Variants in RGL3 observed in about 807,000 individuals in gnomAD.
The protein encoded by RGL3 is ral guanine nucleotide dissociation stimulator like 3, also known as ral guanine nucleotide dissociation stimulator-like 3.
Under a neutral mutation model 90.6 loss-of-function variants are expected in RGL3, and 85 were observed. The ratio of observed to expected loss-of-function variants is 0.94; its 90% confidence interval spans 0.79 to 1.12. The LOEUF is 1.12. Ranked by LOEUF, RGL3 falls within the 50% of genes most tolerant of loss-of-function variation. The pLI, the probability that RGL3 is intolerant of heterozygous loss-of-function variation, is 0.00. For synonymous variants in RGL3, 408 were observed against 385.5 expected, an observed-to-expected ratio of 1.06 and a Z score of -0.68; for missense variants, 1,034 against 939.2, an observed-to-expected ratio of 1.10 and a Z score of -1.32.
intron 5 of RGL3, among the ~76,000 whole-genome samples, chr19:11,415,134 A>G (rs1485471947): frequency 6.6e-6 from 1 of 151,924 alleles, no homozygotes. Context: ...TGTCTAAAAA[A>G]AAAAATAGAT....
Position 11,397,358 on chromosome 19 carries a change from G to A in RGL3, c.1900C>T (p.Leu634=), listed in dbSNP as rs1418266271. ...CTGGGGGCTTTGTCCTGACTGGTCA[G>A]CTGGAAGAGAGGGGCGGGAGGTGAG... ...DHGNLYRSIL[L]TSQDKAPSVV... Residue 634 remains leucine, a splice_region_variant and synonymous_variant, in exon 18 of 19, where the codon CTG becomes TTG. Coordinates refer to ENST00000380456, the MANE Select transcript of RGL3 (RefSeq NM_001035223.4). The A allele has an allele frequency of 6.3e-7, 1 of 1,599,302 alleles. No homozygotes were observed. The highest frequency in any genetic ancestry group is 2.2e-5 in the East Asian group (1 of 44,758).
In RGL3 at chr19:11,397,269, G is replaced by C; in HGVS notation, c.1989C>G (p.Leu663=). ...VPQPWACDYQ[L]FQVLPGDRVL... is the part of the protein sequence containing the mutation. Reference sequence around the variant, plus strand: ...CCCGGTCCCCAGGAAGGACTTGAAAGAGCTGATAGTCACAGGCCCAGGGCT... The same window carrying C: ...CCCGGTCCCCAGGAAGGACTTGAAACAGCTGATAGTCACAGGCCCAGGGCT... The change falls in exon 18 of 19, where the codon CTC becomes CTG. Residue 663 remains leucine (L), a synonymous_variant. Coordinates refer to ENST00000380456, the MANE Select transcript of RGL3 (RefSeq NM_001035223.4). 1.2e-6 allele frequency: 2 copies of C among 1,613,998 alleles called. No homozygotes were observed. Among genetic ancestry groups the C allele is most frequent in the Non-Finnish European group, 8.5e-7 (1 of 1,179,988 alleles).
At chr19:11,414,173 ATATACACC>A (rs1968925899) in intron 5 of RGL3, among the ~76,000 whole-genome samples, 4 of 96,606 alleles carry the variant, frequency 4.1e-5, no homozygotes, top group Admixed American at 3.6e-4. Flanking sequence ...ATATATATAT[ATATACACC>A]TATATATATA....
intron 5 of RGL3, among the ~76,000 whole-genome samples, chr19:11,409,520 C>G (rs1210021350): frequency 1.3e-5 from 2 of 152,014 alleles, no homozygotes; most frequent in African/African-American, 2.4e-5. Flanking sequence ...CAAACAAAAA[C>G]AAAAAGAAAA....
chr19:11,404,993 G>A (rs1017328155), intron 9 of RGL3, among the ~76,000 whole-genome samples, 154 bp downstream of exon 9: 2 of 152,102 alleles, frequency 1.3e-5, no homozygotes, highest in African/African-American at 2.4e-5. Context: ...AAAGAAAAAC[G>A]TGCAACCCGC....
chr19:11,405,561 A>G (rs1430069812), intron 7 of RGL3, 135 bp from the exon 8 acceptor site: 3 of 689,232 alleles, frequency 4.4e-6, no homozygotes, highest in Admixed American at 3.9e-5. Flanking sequence ...TCTGTGGCCC[A>G]GGCTGGAGTG....
intron 18 of RGL3, among the ~76,000 whole-genome samples, chr19:11,396,173 T>A (rs1327157566): frequency 1.9e-4 from 19 of 98,982 alleles, no homozygotes; most frequent in African/African-American, 7.0e-4. Flanking sequence ...TTTTTTTTTT[T>A]TTTTTTTTTT....
At chr19:11,398,493 G>A (rs1410645174) in intron 16 of RGL3, among the ~76,000 whole-genome samples, 1 of 151,926 alleles carries the variant, frequency 6.6e-6, no homozygotes, top group Non-Finnish European at 1.5e-5. Context: ...TTACAGGCCT[G>A]TGCCACTATG....
chr19:11,414,639 TG>T (rs1166061635), intron 5 of RGL3, among the ~76,000 whole-genome samples: 1 of 149,038 alleles, frequency 6.7e-6, no homozygotes, highest in African/African-American at 2.5e-5. Context: ...GATTAAGCGA[TG>T]GGGATTAGGG....
At chr19:11,415,323 C>G (rs1968974074) in intron 5 of RGL3, among the ~76,000 whole-genome samples, 1 of 151,782 alleles carries the variant, frequency 6.6e-6, no homozygotes, top group African/African-American at 2.4e-5. Flanking sequence ...ACACTGCACT[C>G]CAGCCTGAGC....
At chr19:11,396,128 C>CTGTATA (rs1174694619) in intron 18 of RGL3, among the ~76,000 whole-genome samples, 1 of 54,920 alleles carries the variant, frequency 1.8e-5, no homozygotes, top group Admixed American at 1.9e-4. Flanking sequence ...CTCTCTCTCT[C>CTGTATA]TCTCTCTCTA....
At chr19:11,401,930 G>C in intron 13 of RGL3, 81 bp downstream of exon 13, 1 of 1,486,748 alleles carries the variant, frequency 6.7e-7, no homozygotes, top group Non-Finnish European at 8.9e-7. Flanking sequence ...AGGAGCTGGA[G>C]GTGTGTATGG....
At chr19:11,414,166 T>TACAC (rs1555720101) in intron 5 of RGL3, among the ~76,000 whole-genome samples, 6 of 112,532 alleles carry the variant, frequency 5.3e-5, no homozygotes, top group South Asian at 2.7e-4. Flanking sequence ...TATATATATA[T>TACAC]ATATATATAT....
intron 5 of RGL3, chr19:11,408,848 C>G (rs548002622): frequency 1.2e-4 from 18 of 152,296 alleles, no homozygotes; most frequent in African/African-American, 3.9e-4. Context: ...TACTCTTTCC[C>G]CCCTTCTCAC....
chr19:11,409,211 T>C (rs965626885), intron 5 of RGL3, among the ~76,000 whole-genome samples: 6 of 149,596 alleles, frequency 4.0e-5, no homozygotes, highest in Non-Finnish European at 3.0e-5. Flanking sequence ...CCGGGGGCAG[T>C]GGCTCACGCC....
At chr19:11,395,862 C>T (rs1201772540) in intron 18 of RGL3, among the ~76,000 whole-genome samples, 1 of 150,518 alleles carries the variant, frequency 6.6e-6, no homozygotes, top group Non-Finnish European at 1.5e-5. Flanking sequence ...CTCTTGACTT[C>T]GTGATCCACC....
chr19:11,415,770 G>A (rs1395171726), intron 5 of RGL3, among the ~76,000 whole-genome samples, 167 bp downstream of exon 5: 2 of 151,780 alleles, frequency 1.3e-5, no homozygotes, highest in East Asian at 1.9e-4. Context: ...CACCACGCCC[G>A]GCTGACAAAG....
chr19:11,406,355 C>T, intron 7 of RGL3, 64 bp downstream of exon 7: 1 of 1,433,050 alleles, frequency 7.0e-7, no homozygotes, highest in Non-Finnish European at 9.4e-7. Context: ...CTCTCCGGAG[C>T]CCTCATTTTT....
chr19:11,402,772 T>C, intron 9 of RGL3, 66 bp from the exon 10 acceptor site: 1 of 1,373,768 alleles, frequency 7.3e-7, no homozygotes, highest in South Asian at 1.2e-5. Flanking sequence ...GAACGATGCC[T>C]GCAGACCCAT....
Sources: allele counts gnomAD v4.1 joint callset (sites outside exome capture counted in the v4.1 genomes callset), GRCh38; gene constraint gnomAD v4.1.1; transcripts MANE v1.5; gene names NCBI Gene and HGNC (gene_info 2026-07-23, HGNC 2026-07-21).